NUDCD2: variants seen among roughly 807,000 people sequenced by gnomAD.
The protein encoded by NUDCD2 is nudC domain-containing protein 2.
NUDCD2 carries 16 observed loss-of-function variants against 20.8 expected under a neutral mutation model. The observed-to-expected ratio is 0.77, with a 90% CI of 0.52 to 1.17. NUDCD2 has a LOEUF of 1.17. Among genes scored for constraint, NUDCD2 ranks in the 50% most tolerant of loss-of-function variants. NUDCD2 has a pLI of 0.00. For missense variants in NUDCD2, 199 were observed against 193.9 expected (o/e 1.03, Z -0.16); for synonymous variants, 87 against 72.8 (o/e 1.20, Z -1.00).
rs777351629 is a variant in NUDCD2 at position 163,457,648 on chromosome 5, T to C, written c.190-38A>G. On this transcript the variant is annotated intron_variant, in intron 1 of 3. Transcript: ENST00000302764. ...CATATAAGGTGCTAAAAATACAGAA[T>C]TTAATTTTTATAAAGTTTTCATGAT... 1.1e-5 allele frequency: 14 copies of C among 1,307,722 alleles called. No individual in the cohort carries two copies. The South Asian group carries it at 1.7e-4, about 16-fold the overall frequency. The allele number at this position is 1,307,722 out of a possible 1,614,324, so 81.0% of individuals were successfully genotyped here.
intron 1 of NUDCD2, among the ~76,000 whole-genome samples, chr5:163,458,390 CTG>C (rs1758379454): frequency 6.6e-6 from 1 of 152,040 alleles, no homozygotes; most frequent in South Asian, 2.1e-4. Context: ...TTGTGACTAA[CTG>C]TTCACAAACT....
rs1330085271 is a variant in NUDCD2 at position 163,452,585 on chromosome 5, AT to A, written c.*1381del. The A allele has an allele frequency of 1.6e-4, 25 of 152,192 alleles. No homozygotes were observed. Among genetic ancestry groups the A allele is most frequent in the Admixed American group, 1.6e-3 (25 of 15,282 alleles). The allele number at this position is 152,192 out of a possible 1,614,324, so 9.4% of individuals were successfully genotyped here. ...AAAGTCTGATCAGAAACAAGGTAGT[AT>A]TTTGCAACTATCTTCTCAAGAAATA... is the stretch of plus-strand genomic sequence containing the variant. On this transcript the variant is annotated 3_prime_UTR_variant, in exon 4 of 4. Transcript: ENST00000302764.
intron 3 of NUDCD2, 40 bp from the exon 4 acceptor site, chr5:163,454,090 T>G (rs767518613): frequency 1.9e-6 from 2 of 1,070,930 alleles, no homozygotes; most frequent in Non-Finnish European, 2.6e-6. Context: ...ATAAAACTTA[T>G]AAGGAAAAAT....
In NUDCD2 at chr5:163,449,089, G is replaced by C. The variant is rs192380535; in HGVS notation, c.*4878C>G. 2.0e-5 allele frequency: 3 copies of C among 152,108 alleles called. No individual in the cohort carries two copies. 9.4% of individuals were successfully genotyped at this position (152,108 alleles called of 1,614,324 possible). A position where few individuals can be genotyped will look rare whatever the true frequency, so the allele number is the denominator to read the frequency against. ...GTTATTGTTCTGGCCACTGCAATCA[G>C]GCAAGAAAAATCATAGACTAAAAAG... is the stretch of plus-strand genomic sequence containing the variant. On this transcript the variant is annotated 3_prime_UTR_variant, in exon 4 of 4. Transcript: ENST00000302764.
chr5:163,454,405 G>A (rs916169015), intron 3 of NUDCD2, among the ~76,000 whole-genome samples: 3 of 152,004 alleles, frequency 2.0e-5, no homozygotes, highest in Non-Finnish European at 4.4e-5. Context: ...GCAATGGTGC[G>A]ACCTCAGCTC....
At chr5:163,457,139 G>GTTTT (rs34746227) in intron 2 of NUDCD2, 59 bp from the exon 3 acceptor site, 566 of 1,208,080 alleles carry the variant, frequency 4.7e-4, no homozygotes, top group East Asian at 2.2e-3. Context: ...TCATCAAGTT[G>GTTTT]TTTTTTTTTT....
Position 163,449,730 on chromosome 5 carries a change from C to G in NUDCD2, c.*4237G>C, listed in dbSNP as rs974300538. ...TTTATGAAAGGATAAACACATAGAT[C>G]GATGGAATAAAGTCCAAAACCAGAC... is the stretch of plus-strand genomic sequence containing the variant. On this transcript the variant is annotated 3_prime_UTR_variant, in exon 4 of 4. Coordinates refer to ENST00000302764, the MANE Select transcript of NUDCD2 (RefSeq NM_145266.6). 1 of 152,078 alleles carries G rather than the reference C, an allele frequency of 6.6e-6. No homozygotes were observed. Among genetic ancestry groups the G allele is most frequent in the Admixed American group, 6.6e-5 (1 of 15,266 alleles). 9.4% of individuals were successfully genotyped at this position (152,078 alleles called of 1,614,324 possible).
At chr5:163,456,902 C>A in intron 3 of NUDCD2, 27 bp downstream of exon 3, 1 of 1,433,074 alleles carries the variant, frequency 7.0e-7, no homozygotes, top group Non-Finnish European at 9.4e-7. Context: ...TTTAATTACA[C>A]ATACTCATAC....
chr5:163,455,672 G>C (rs928683877), intron 3 of NUDCD2, among the ~76,000 whole-genome samples: 9 of 151,790 alleles, frequency 5.9e-5, no homozygotes, highest in Middle Eastern at 3.4e-3. Flanking sequence ...GCTGAGGCAG[G>C]AGACTGGCGG....
At chr5:163,459,120 T>C (rs1008492935) in intron 1 of NUDCD2, 3 of 152,188 alleles carry the variant, frequency 2.0e-5, no homozygotes, top group Admixed American at 6.5e-5. Flanking sequence ...GAACAATCTC[T>C]CGCCCAAGTT....
chr5:163,457,105 C>T (rs1758336741), intron 2 of NUDCD2, 25 bp from the exon 3 acceptor site: 3 of 1,565,534 alleles, frequency 1.9e-6, no homozygotes. Flanking sequence ...CACACACACA[C>T]ACGCACAAAT....
intron 1 of NUDCD2, 156 bp downstream of exon 1, chr5:163,459,706 C>G: frequency 1.9e-6 from 1 of 539,980 alleles, no homozygotes; most frequent in Non-Finnish European, 3.2e-6. Context: ...CCTGAAGAGG[C>G]GGGGGCTCTG....
At chr5:163,459,794 G>C (rs1394323238) in intron 1 of NUDCD2, 68 bp downstream of exon 1, 2 of 1,416,298 alleles carry the variant, frequency 1.4e-6, no homozygotes, top group Non-Finnish European at 1.9e-6. Flanking sequence ...CCCAACAGTC[G>C]TTCAGGGAAA....
chr5:163,459,937 C>A lies in NUDCD2; in HGVS notation c.114G>T (p.Thr38=). The A allele has an allele frequency of 6.2e-7, 1 of 1,613,480 alleles. No individual in the cohort carries two copies. Among genetic ancestry groups the A allele is most frequent in the Non-Finnish European group, 8.5e-7 (1 of 1,179,832 alleles). Residue 38 remains threonine (T), a synonymous_variant, in exon 1 of 4, where the codon ACG becomes ACT. Coordinates refer to ENST00000302764, the MANE Select transcript of NUDCD2 (RefSeq NM_145266.6). ...GGCCGCACTGGATATCCTGGGCGCG[C>A]GTGCCTGGCGGCACCTGAACTTCAA... ...VFIEVQVPPG[T]RAQDIQCGLQ... is the part of the protein sequence containing the mutation.
At chr5:163,459,816 G>A (rs970833607) in intron 1 of NUDCD2, 46 bp downstream of exon 1, 11 of 1,519,620 alleles carry the variant, frequency 7.2e-6, no homozygotes, top group Non-Finnish European at 8.9e-6. Flanking sequence ...GGGGCTGGGG[G>A]CGTCTGGGAA....
chr5:163,455,599 T>C (rs1244794307), intron 3 of NUDCD2, among the ~76,000 whole-genome samples: 1 of 151,952 alleles, frequency 6.6e-6, no homozygotes, highest in African/African-American at 2.4e-5. Context: ...CCACCTCTAC[T>C]AAAAATACAA....
rs914907623 is a variant in NUDCD2, at chr5:163,448,425, T to C, written c.*5542A>G. On this transcript the variant is annotated 3_prime_UTR_variant, in exon 4 of 4. Transcript: ENST00000302764. ...ACAAAGAAAATACCATGAACAACTC[T>C]ATGCACATAGGATTAGATGAACCAA... The C allele has an allele frequency of 5.3e-5, 8 of 152,098 alleles. No individual in the cohort carries two copies. Among genetic ancestry groups the C allele is most frequent in the Admixed American group, 6.5e-5 (1 of 15,276 alleles). 9.4% of individuals were successfully genotyped at this position (152,098 alleles called of 1,614,324 possible). A position where few individuals can be genotyped will look rare whatever the true frequency, so the allele number is the denominator to read the frequency against.
intron 3 of NUDCD2, among the ~76,000 whole-genome samples, chr5:163,455,650 G>A (rs950686718): frequency 1.3e-5 from 2 of 151,518 alleles, no homozygotes; most frequent in African/African-American, 4.9e-5. Context: ...TACAGTCCCA[G>A]CTACTCGGGA....
rs556156763 is a variant in NUDCD2, at chr5:163,450,781, T to C, written c.*3186A>G. On this transcript the variant is annotated 3_prime_UTR_variant, in exon 4 of 4. Transcript: ENST00000302764. ...GCTCCTCAAATGATTAACATAGTTA[T>C]CATATAACCTAAAAATTCTACTCCT... 5.3e-5 allele frequency: 8 copies of C among 152,288 alleles called. No individual in the cohort carries two copies. In the East Asian group the frequency reaches 9.6e-4, roughly 18 times the overall value. 9.4% of individuals were successfully genotyped at this position (152,288 alleles called of 1,614,324 possible). A position where few individuals can be genotyped will look rare whatever the true frequency, so the allele number is the denominator to read the frequency against.
Sources: allele counts gnomAD v4.1 joint callset (sites outside exome capture counted in the v4.1 genomes callset), GRCh38; gene constraint gnomAD v4.1.1; transcripts MANE v1.5; gene names NCBI Gene and HGNC (gene_info 2026-07-23, HGNC 2026-07-21).